The following NBEA variants were observed in gnomAD, a reference collection of about 807,000 sequenced individuals.
The protein encoded by NBEA is lysosomal-trafficking regulator 2.
Under a neutral mutation model 343.4 loss-of-function variants are expected in NBEA, and 44 were observed. That is an observed-to-expected ratio of 0.13 (90% confidence interval 0.10 to 0.16). NBEA has a LOEUF of 0.16. NBEA is among the 10% of genes least tolerant of loss of function. The probability of loss-of-function intolerance (pLI) is 1.00; values close to 1 mark genes in which losing one functional copy is unlikely to be tolerated. For synonymous variants in NBEA, 1,175 were observed against 1,238.7 expected, an observed-to-expected ratio of 0.95 and a Z score of 1.08; for missense variants, 2,555 against 3,631.3, an observed-to-expected ratio of 0.70 and a Z score of 7.62.
intron 35 of NBEA, among the ~76,000 whole-genome samples, chr13:35,295,227 AT>A (rs1387247512): frequency 6.6e-6 from 1 of 150,794 alleles, no homozygotes; most frequent in Admixed American, 6.6e-5. Context: ...CCTCAAGAGT[AT>A]TTTTAATATA....
intron 38 of NBEA, among the ~76,000 whole-genome samples, chr13:35,403,509 A>T (rs1266450687): frequency 6.6e-6 from 1 of 152,104 alleles, no homozygotes; most frequent in East Asian, 1.9e-4. Flanking sequence ...TGGGGAAAGG[A>T]TTCCCTATTT....
intron 27 of NBEA, among the ~76,000 whole-genome samples, chr13:35,174,721 T>C (rs2070741050): frequency 6.6e-6 from 1 of 152,162 alleles, no homozygotes; most frequent in Non-Finnish European, 1.5e-5. Context: ...CTGATATCAT[T>C]TGTGTAGGCA....
chr13:35,375,303 A>G (rs73169744), intron 38 of NBEA, among the ~76,000 whole-genome samples: 3,152 of 152,190 alleles, frequency 0.021, 48 homozygotes, highest in Admixed American at 0.032. Context: ...TTTATTCAAG[A>G]ACTTTTAGCC....
intron 17 of NBEA, among the ~76,000 whole-genome samples, chr13:35,132,599 T>A (rs1358175757): frequency 6.6e-6 from 1 of 152,186 alleles, no homozygotes. Flanking sequence ...TGATGCATGC[T>A]ATGACATAAT....
chr13:35,517,826 C>A (rs2077544156), intron 41 of NBEA, among the ~76,000 whole-genome samples: 1 of 152,108 alleles, frequency 6.6e-6, no homozygotes, highest in Admixed American at 6.5e-5. Flanking sequence ...AAGGCAGGAA[C>A]CATTGTATCT....
At chr13:35,146,526 C>G (rs2068436771) in intron 18 of NBEA, among the ~76,000 whole-genome samples, 1 of 152,164 alleles carries the variant, frequency 6.6e-6, no homozygotes, top group Admixed American at 6.5e-5. Context: ...TTCCTTCTCT[C>G]CCTTTGGAGC....
intron 30 of NBEA, among the ~76,000 whole-genome samples, chr13:35,192,031 G>A (rs777951859): frequency 1.4e-4 from 22 of 151,998 alleles, no homozygotes; most frequent in Non-Finnish European, 5.9e-5. Context: ...GCATCCAAAT[G>A]CCTGTTTCTG....
intron 1 of NBEA, among the ~76,000 whole-genome samples, chr13:34,949,204 ATT>A (rs2059278258): frequency 6.6e-6 from 1 of 152,130 alleles, no homozygotes; most frequent in African/African-American, 2.4e-5. Flanking sequence ...CACCCAGTTT[ATT>A]GTTTCACATT....
chr13:35,340,956 A>C (rs755061707), intron 36 of NBEA, among the ~76,000 whole-genome samples: 93 of 152,094 alleles, frequency 6.1e-4, no homozygotes, highest in Non-Finnish European at 1.2e-3. Flanking sequence ...TAAAAGAATA[A>C]ATTTGGAGGA....
At chr13:34,983,560 T>A (rs917571282) in intron 1 of NBEA, among the ~76,000 whole-genome samples, 4 of 152,188 alleles carry the variant, frequency 2.6e-5, no homozygotes, top group Admixed American at 2.6e-4. Context: ...CTGGGTCAAA[T>A]GATATTTCTA....
At chr13:35,516,039 CATG>C (rs1425570408) in intron 41 of NBEA, among the ~76,000 whole-genome samples, 4 of 152,138 alleles carry the variant, frequency 2.6e-5, no homozygotes, top group African/African-American at 9.7e-5. Context: ...ATAATTTACT[CATG>C]ATACGGAGTT....
intron 39 of NBEA, among the ~76,000 whole-genome samples, chr13:35,445,311 ATTTAT>A (rs1024744064): frequency 6.6e-6 from 1 of 151,838 alleles, no homozygotes; most frequent in Non-Finnish European, 1.5e-5. Context: ...CTCTTGTTTT[ATTTAT>A]TTTATCAAAA....
chr13:34,966,501 T>C (rs950942938), intron 1 of NBEA, among the ~76,000 whole-genome samples: 25 of 152,054 alleles, frequency 1.6e-4, no homozygotes, highest in African/African-American at 4.8e-4. Context: ...AATCAGTTTT[T>C]GTGTCCTGGT....
chr13:35,232,641 T>G, intron 34 of NBEA, 22 bp downstream of exon 34: 1 of 1,437,356 alleles, frequency 7.0e-7, no homozygotes, highest in Non-Finnish European at 9.3e-7. Context: ...CTATTATAAT[T>G]ATTTTAGTTT....
At chr13:35,210,708 A>G (rs2073712964) in intron 32 of NBEA, among the ~76,000 whole-genome samples, 1 of 152,150 alleles carries the variant, frequency 6.6e-6, no homozygotes, top group Admixed American at 6.5e-5. Flanking sequence ...AAAATATTAC[A>G]ATGTAGCTAT....
intron 38 of NBEA, among the ~76,000 whole-genome samples, chr13:35,414,422 A>G (rs1453799739): frequency 6.8e-6 from 1 of 146,276 alleles, no homozygotes; most frequent in Non-Finnish European, 1.5e-5. Context: ...GATGGTCCCC[A>G]CCCTGTGTCT....
chr13:34,978,628 A>C (rs2060258693), intron 1 of NBEA, among the ~76,000 whole-genome samples: 1 of 151,378 alleles, frequency 6.6e-6, no homozygotes, highest in African/African-American at 2.4e-5. Context: ...CTACCTCCAT[A>C]CTCCCAGAGA....
chr13:35,270,532 C>T (rs1284921861), intron 34 of NBEA, among the ~76,000 whole-genome samples: 1 of 152,208 alleles, frequency 6.6e-6, no homozygotes, highest in Non-Finnish European at 1.5e-5. Flanking sequence ...GGTGTCGCCT[C>T]ACCTGGGAAG....
intron 24 of NBEA, among the ~76,000 whole-genome samples, chr13:35,165,704 T>C (rs1482584364): frequency 6.8e-6 from 1 of 147,864 alleles, no homozygotes; most frequent in Non-Finnish European, 1.5e-5. Context: ...TTTTTTTTTT[T>C]GACAGAGTAT....
Sources: allele counts gnomAD v4.1 joint callset (sites outside exome capture counted in the v4.1 genomes callset), GRCh38; gene constraint gnomAD v4.1.1; transcripts MANE v1.5; gene names NCBI Gene and HGNC (gene_info 2026-07-23, HGNC 2026-07-21).